VPS13B: variants seen among roughly 807,000 people sequenced by gnomAD.
VPS13B encodes vacuolar protein sorting 13 homolog B.
A neutral mutation model predicts 426.4 loss-of-function variants in VPS13B; 285 were observed. The ratio of observed to expected loss-of-function variants is 0.67; its 90% CI spans 0.61 to 0.74. The LOEUF (loss-of-function observed/expected upper bound fraction) is 0.74. Among genes scored for constraint, VPS13B ranks in the 30% least tolerant of loss-of-function variants. The pLI is 0.00. For synonymous variants in VPS13B, 1,676 were observed against 1,676.4 expected (o/e 1.00, Z 0.01); for missense variants, 4,537 against 4,782.6 (o/e 0.95, Z 1.51).
chr8:99,015,462 C>T (rs1277104335), intron 2 of VPS13B, among the ~76,000 whole-genome samples: 10 of 151,010 alleles, frequency 6.6e-5, no homozygotes, highest in East Asian at 2.0e-4. Context: ...ATGATCCGCC[C>T]GCCTCAGCCT....
intron 39 of VPS13B, among the ~76,000 whole-genome samples, chr8:99,751,830 A>C (rs1489227623): frequency 1.3e-5 from 2 of 152,194 alleles, no homozygotes; most frequent in Admixed American, 1.3e-4. Context: ...CTTTACCTAC[A>C]ACAGAGTGTC....
At chr8:99,107,032 G>A (rs1847084194) in intron 5 of VPS13B, among the ~76,000 whole-genome samples, 1 of 152,064 alleles carries the variant, frequency 6.6e-6, no homozygotes, top group African/African-American at 2.4e-5. Context: ...ATTTCTGTTG[G>A]GTATATGCCT....
chr8:99,642,146 C>T lies in VPS13B; in HGVS notation c.5556C>T (p.Leu1852=), dbSNP rs1379522761. Residue 1852 remains leucine (L), a synonymous_variant, in exon 34 of 62, where the codon CTC becomes CTT. Transcript: ENST00000357162. ...AAACAGACAAGAGTTCATTAAATCT[C>T]CCAGAAGTTGATTCAGATGTTGCTA... ...NEKTDKSSLN[L]PEVDSDVAKP... 4 of 1,613,996 alleles carry T rather than the reference C, an allele frequency of 2.5e-6. No individual in the cohort carries two copies.
Position 99,776,921 on chromosome 8 carries a change from T to A in VPS13B, c.7394T>A (p.Phe2465Tyr). 1 of 1,614,074 alleles carries A rather than the reference T, an allele frequency of 6.2e-7. No individual in the cohort carries two copies. The highest frequency in any genetic ancestry group is 8.5e-7 in the Non-Finnish European group (1 of 1,179,964). Residue 2465 changes from phenylalanine to tyrosine, a missense_variant, in exon 41 of 62, where the codon TTC (phenylalanine) becomes TAC (tyrosine). Phe to Tyr is a conservative substitution (Grantham distance 22, BLOSUM62 3). Coordinates refer to ENST00000357162, the MANE Select transcript of VPS13B (RefSeq NM_152564.5). Reference sequence around the variant, plus strand: ...TCTTTCCAGTTTGCTCACCTGGAATTCCATCTTTGTCATCACCTTGACCAA... The same window carrying A: ...TCTTTCCAGTTTGCTCACCTGGAATACCATCTTTGTCATCACCTTGACCAA... The part of the protein sequence containing the change: ...CVSFQFAHLE[F>Y]HLCHHLDQLG...
At chr8:99,316,443 A>G (rs912574289) in intron 19 of VPS13B, among the ~76,000 whole-genome samples, 1 of 152,184 alleles carries the variant, frequency 6.6e-6, no homozygotes, top group African/African-American at 2.4e-5. Context: ...CGTTTGGGAC[A>G]TGGCATAAGC....
intron 33 of VPS13B, among the ~76,000 whole-genome samples, chr8:99,611,620 G>A (rs72674682): frequency 0.065 from 9,850 of 151,814 alleles, 436 homozygotes; most frequent in South Asian, 0.11. Flanking sequence ...TATTTGTTAT[G>A]GGAGTAATTT....
Position 99,336,624 on chromosome 8 carries a change from G to T in VPS13B, c.2825-47584G>T, listed in dbSNP as rs1428881620. Among the ~76,000 whole-genome samples the T allele has an allele frequency of 2.6e-5, 4 of 152,114 alleles. No individual in the cohort carries two copies. The South Asian group carries it at 8.3e-4, about 32-fold the overall frequency. On this transcript the variant is annotated intron_variant, in intron 19 of 61. Coordinates refer to ENST00000357162, the MANE Select transcript of VPS13B (RefSeq NM_152564.5). ...TCGCAAGCTACTCATCTGACAAAGG[G>T]CTGATATCCAGAATCTACAATGAAC...
chr8:99,307,529 G>A (rs1820706817), intron 19 of VPS13B, among the ~76,000 whole-genome samples: 2 of 151,872 alleles, frequency 1.3e-5, no homozygotes, highest in African/African-American at 4.8e-5. Context: ...GAGATACTGA[G>A]TCCCTTTTGG....
At chr8:99,557,442 G>A (rs971785611) in intron 31 of VPS13B, among the ~76,000 whole-genome samples, 2 of 152,010 alleles carry the variant, frequency 1.3e-5, no homozygotes, top group Admixed American at 1.3e-4. Flanking sequence ...ATGGCCACCA[G>A]TTCCATCTAA....
intron 30 of VPS13B, among the ~76,000 whole-genome samples, chr8:99,541,551 A>C (rs1035630927): frequency 1.3e-5 from 2 of 152,148 alleles, no homozygotes; most frequent in Admixed American, 1.3e-4. Flanking sequence ...CCCTGTGTCC[A>C]TGTGTTCTCA....
chr8:99,499,065 G>T (rs925875951), intron 25 of VPS13B, among the ~76,000 whole-genome samples: 3 of 152,188 alleles, frequency 2.0e-5, no homozygotes, highest in African/African-American at 7.2e-5. Flanking sequence ...AATAAACAAA[G>T]ATAAATTCAC....
chr8:99,298,684 A>G (rs1043118336), intron 19 of VPS13B, among the ~76,000 whole-genome samples: 2 of 152,166 alleles, frequency 1.3e-5, no homozygotes, highest in African/African-American at 4.8e-5. Flanking sequence ...CTTTAGTTTC[A>G]TTATCCCAAC....
At chr8:99,733,040 A>G (rs2130420570) in intron 39 of VPS13B, among the ~76,000 whole-genome samples, 1 of 152,346 alleles carries the variant, frequency 6.6e-6, no homozygotes. Flanking sequence ...AACTATGTTT[A>G]GCAATCAGTG....
At chr8:99,767,027 C>G in intron 40 of VPS13B, 57 bp downstream of exon 40, 1 of 1,544,894 alleles carries the variant, frequency 6.5e-7, no homozygotes, top group Non-Finnish European at 8.9e-7. Context: ...GATAAGTCAT[C>G]TTTTCCTATC....
rs386413466 is a variant in VPS13B, at chr8:99,737,106, C to CTTTTTTTTTTTTTT, written c.7050+16078_7050+16091dup. On this transcript the variant is annotated intron_variant, in intron 39 of 61. Coordinates refer to ENST00000357162, the MANE Select transcript of VPS13B (RefSeq NM_152564.5). The stretch of plus-strand genomic sequence containing the variant: ...CAGGAAAGCCTTTGAAGATGTCCTT[C>CTTTTTTTTTTTTTT]TTTTTTTTTTTTTTTTTTTTTTTTT... Among the ~76,000 whole-genome samples, 8 of 44,360 alleles carry CTTTTTTTTTTTTTT rather than the reference C, an allele frequency of 1.8e-4. 2 individuals carry two copies. Among genetic ancestry groups the CTTTTTTTTTTTTTT allele is most frequent in the Non-Finnish European group, 2.4e-4 (6 of 25,008 alleles). The allele number at this position is 44,360 out of a possible 152,430, so 29.1% of individuals were successfully genotyped here.
At chr8:99,867,967 C>A in intron 58 of VPS13B, 1 of 365,542 alleles carries the variant, frequency 2.7e-6, no homozygotes, top group Admixed American at 3.9e-5. Flanking sequence ...TCCTCTCTCT[C>A]AACTTTGTTG....
At chr8:99,873,139 G>A (rs1363749806) in intron 61 of VPS13B, 1 of 152,168 alleles carries the variant, frequency 6.6e-6, no homozygotes, top group African/African-American at 2.4e-5. Context: ...AAACCTCCAA[G>A]GCCCTGTGAC....
chr8:99,523,756 T>G (rs867169336), intron 30 of VPS13B, among the ~76,000 whole-genome samples: 3 of 152,094 alleles, frequency 2.0e-5, no homozygotes, highest in Non-Finnish European at 2.9e-5. Context: ...TGGAATTCTT[T>G]CCCTAGAAAA....
intron 30 of VPS13B, among the ~76,000 whole-genome samples, chr8:99,548,770 C>T (rs920712659): frequency 6.6e-6 from 1 of 151,650 alleles, no homozygotes; most frequent in African/African-American, 2.4e-5. Flanking sequence ...TGAAGTAAAT[C>T]AGTGCATTAC....
Sources: gnomAD v4.1 joint callset for allele counts (sites outside exome capture counted in the v4.1 genomes callset) on GRCh38, gnomAD v4.1.1 for gene constraint, MANE v1.5 for transcripts, NCBI Gene and HGNC (gene_info 2026-07-23, HGNC 2026-07-21) for gene names.